DIAPH2: variants seen among roughly 807,000 people sequenced by gnomAD.
DIAPH2 encodes diaphanous related formin 2.
Under a neutral mutation model 92.7 loss-of-function variants are expected in DIAPH2, and 35 were observed. The observed-to-expected ratio is 0.38, with a 90% CI of 0.29 to 0.50. The LOEUF (loss-of-function observed/expected upper bound fraction) is 0.50. Ranked by LOEUF, DIAPH2 falls within the 20% of genes least tolerant of loss-of-function variation. The pLI is 0.94. For missense variants in DIAPH2, 701 were observed against 819.5 expected, an observed-to-expected ratio of 0.86 and a Z score of 1.77; for synonymous variants, 301 against 280.4, an observed-to-expected ratio of 1.07 and a Z score of -0.73.
chrX:96,799,545 C>G (rs1025424954), intron 4 of DIAPH2, among the ~76,000 whole-genome samples: 51 of 112,220 alleles, frequency 4.5e-4, no homozygotes, highest in African/African-American at 1.5e-3. Flanking sequence ...CGCAGTGGCT[C>G]ACGCCTATAA....
chrX:97,438,746 A>G (rs1264276728), intron 26 of DIAPH2, among the ~76,000 whole-genome samples: 1 of 111,155 alleles, frequency 9.0e-6, no homozygotes, highest in African/African-American at 3.3e-5. Flanking sequence ...GATTTGAGGG[A>G]AAGAAAAGTA....
At chrX:97,130,973 G>A (rs1402423652) in intron 21 of DIAPH2, among the ~76,000 whole-genome samples, 2 of 110,270 alleles carry the variant, frequency 1.8e-5, no homozygotes, top group African/African-American at 3.3e-5. Flanking sequence ...CGGTATGGTC[G>A]TGGGTGCCTG....
intron 22 of DIAPH2, among the ~76,000 whole-genome samples, chrX:97,157,611 G>A (rs1321110159): frequency 9.0e-6 from 1 of 110,925 alleles, no homozygotes; most frequent in African/African-American, 3.3e-5. Context: ...TGGAGTAGCT[G>A]TTCTTTCACC....
At chrX:96,763,111 T>C (rs1284837875) in intron 4 of DIAPH2, 1 of 964,053 alleles carries the variant, frequency 1.0e-6, no homozygotes, top group East Asian at 7.6e-5. Context: ...TAGTTGGAAG[T>C]AAAGTTACGG....
At chrX:97,066,491 ACTT>A (rs1047732605) in intron 17 of DIAPH2, among the ~76,000 whole-genome samples, 19 of 111,900 alleles carry the variant, frequency 1.7e-4, no homozygotes, top group African/African-American at 6.2e-4. Context: ...CTAAAGAAGA[ACTT>A]CTCAGAATGT....
intron 26 of DIAPH2, among the ~76,000 whole-genome samples, chrX:97,435,936 T>C (rs1163235496): frequency 9.1e-6 from 1 of 109,366 alleles, no homozygotes; most frequent in South Asian, 4.0e-4. Context: ...GCCTCCCAAG[T>C]AGCTGGGACT....
chrX:96,803,190 A>G (rs1366477611), intron 4 of DIAPH2, among the ~76,000 whole-genome samples: 1 of 111,322 alleles, frequency 9.0e-6, no homozygotes, highest in Non-Finnish European at 1.9e-5. Flanking sequence ...AATCAAGCTG[A>G]CACTCAATAT....
chrX:97,549,649 T>C (rs1303952741), intron 26 of DIAPH2, among the ~76,000 whole-genome samples: 5 of 111,416 alleles, frequency 4.5e-5, no homozygotes, highest in African/African-American at 6.5e-5. Flanking sequence ...CTATAGACTT[T>C]ATTTAAATTT....
Position 97,348,217 on chromosome X carries a change from C to T in DIAPH2, c.2946C>T (p.Asp982=). 1.7e-6 allele frequency: 2 copies of T among 1,210,874 alleles called. No individual in the cohort carries two copies. Among genetic ancestry groups the T allele is most frequent in the Non-Finnish European group, 2.2e-6 (2 of 895,031 alleles). ...YENLGEYFIF[D]SKTVSIEEFF... is the part of the protein sequence containing the mutation. ...ATCTTGGAGAATACTTCATTTTTGA[C>T]TCAAAGACAGTGAGCATAGAAGAGT... The change falls in exon 24 of 27, where the codon GAC becomes GAT. Residue 982 remains aspartate, a synonymous_variant. Coordinates refer to ENST00000324765, the MANE Select transcript of DIAPH2 (RefSeq NM_006729.5).
rs367919330 is a variant in DIAPH2, at chrX:97,277,813, C to A, written c.2844+29974C>A. On this transcript the variant is annotated intron_variant, in intron 23 of 26. Transcript: ENST00000324765. ...AATAGTTTGTAGAAATGACTATAGCCGGTTGAACATTTCCATTCCAAAAAT... is the reference window on the plus strand; with the variant it reads ...AATAGTTTGTAGAAATGACTATAGCAGGTTGAACATTTCCATTCCAAAAAT... Among the ~76,000 whole-genome samples the A allele has an allele frequency of 6.3e-5, 7 of 111,901 alleles. No homozygotes were observed. The South Asian group carries it at 1.9e-3, about 30-fold the overall frequency.
chrX:96,731,703 A>C (rs763097332), intron 1 of DIAPH2, among the ~76,000 whole-genome samples: 21 of 111,508 alleles, frequency 1.9e-4, no homozygotes, highest in African/African-American at 5.2e-4. Context: ...TCTTAGTCTT[A>C]AGGGGTTGAG....
chrX:96,701,024 CTCT>C (rs2063852324), intron 1 of DIAPH2, among the ~76,000 whole-genome samples: 1 of 111,708 alleles, frequency 9.0e-6, no homozygotes, highest in African/African-American at 3.3e-5. Context: ...CTGAAATAAC[CTCT>C]TCTTTTTTCT....
chrX:96,753,700 G>A (rs999188845), intron 3 of DIAPH2, among the ~76,000 whole-genome samples: 4 of 109,342 alleles, frequency 3.7e-5, no homozygotes, highest in Non-Finnish European at 5.8e-5. Context: ...AGGATATTAC[G>A]TAGTCTTGAA....
At chrX:97,418,703 G>A in intron 25 of DIAPH2, among the ~76,000 whole-genome samples, 1 of 111,974 alleles carries the variant, frequency 8.9e-6, no homozygotes, top group Non-Finnish European at 1.9e-5. Context: ...TAGGTCTTTT[G>A]TAGAGAAGCT....
intron 26 of DIAPH2, among the ~76,000 whole-genome samples, chrX:97,552,162 A>G (rs2071224386): frequency 1.8e-5 from 2 of 111,942 alleles, no homozygotes; most frequent in African/African-American, 6.5e-5. Flanking sequence ...GATTTTGAGT[A>G]TAGGAATTAA....
At chrX:97,298,869 C>T in intron 23 of DIAPH2, among the ~76,000 whole-genome samples, 1 of 111,034 alleles carries the variant, frequency 9.0e-6, no homozygotes, top group Middle Eastern at 4.6e-3. Context: ...CCGCCCGCCT[C>T]CGCCTCCCAA....
At chrX:96,760,851 A>C (rs2064263498) in intron 4 of DIAPH2, among the ~76,000 whole-genome samples, 1 of 111,390 alleles carries the variant, frequency 9.0e-6, no homozygotes, top group Admixed American at 9.5e-5. Flanking sequence ...TAAAGGAAAA[A>C]GTTTGAATAA....
chrX:97,291,517 C>A (rs1212560143), intron 23 of DIAPH2, among the ~76,000 whole-genome samples: 2 of 111,364 alleles, frequency 1.8e-5, no homozygotes, highest in Non-Finnish European at 3.8e-5. Flanking sequence ...TCTACTAATA[C>A]AACAAGTAAA....
At chrX:97,381,222 C>T (rs944200844) in intron 24 of DIAPH2, among the ~76,000 whole-genome samples, 5 of 111,360 alleles carry the variant, frequency 4.5e-5, no homozygotes, top group Admixed American at 2.9e-4. Context: ...GATTCAAGTT[C>T]ATGTACAATA....
Sources: allele counts gnomAD v4.1 joint callset (sites outside exome capture counted in the v4.1 genomes callset), GRCh38; gene constraint gnomAD v4.1.1; transcripts MANE v1.5; gene names NCBI Gene and HGNC (gene_info 2026-07-23, HGNC 2026-07-21).